The following BMP5 variants were observed in gnomAD, a reference collection of about 807,000 sequenced individuals.
The protein encoded by BMP5 is bone morphogenetic protein 5.
A neutral mutation model predicts 46.6 loss-of-function variants in BMP5; 23 were observed. The ratio of observed to expected loss-of-function variants is 0.49; its 90% CI spans 0.35 to 0.70. The LOEUF (loss-of-function observed/expected upper bound fraction) is 0.70, where lower values mean the gene tolerates loss of function less well. Among genes scored for constraint, BMP5 ranks in the 30% least tolerant of loss-of-function variants. BMP5 has a pLI of 0.00. For missense variants in BMP5, 545 were observed against 565.6 expected, an observed-to-expected ratio of 0.96 and a Z score of 0.37; for synonymous variants, 204 against 191.9, an observed-to-expected ratio of 1.06 and a Z score of -0.52.
chr6:55,824,295 G>A (rs547481004), intron 1 of BMP5, among the ~76,000 whole-genome samples: 1 of 151,934 alleles, frequency 6.6e-6, no homozygotes, highest in South Asian at 2.1e-4. Context: ...AAAAAACAGA[G>A]AAGTGTATAC....
At chr6:55,873,706 A>T (rs149351744) in intron 1 of BMP5, among the ~76,000 whole-genome samples, 2 of 151,966 alleles carry the variant, frequency 1.3e-5, no homozygotes, top group Admixed American at 6.6e-5. Flanking sequence ...ATAGATAAAG[A>T]CCACTAAAGC....
intron 1 of BMP5, among the ~76,000 whole-genome samples, chr6:55,829,904 C>A (rs1163349643): frequency 6.6e-6 from 1 of 151,784 alleles, no homozygotes; most frequent in Non-Finnish European, 1.5e-5. Flanking sequence ...ATAACCAAAT[C>A]TTTGGTAACA....
In BMP5 at chr6:55,874,978, C is replaced by T. The variant is rs1777876665; in HGVS notation, c.-113G>A. 2 of 1,282,660 alleles carry T rather than the reference C, an allele frequency of 1.6e-6. No individual in the cohort carries two copies. Among genetic ancestry groups the T allele is most frequent in the Non-Finnish European group, 2.2e-6 (2 of 920,130 alleles). 79.5% of individuals were successfully genotyped at this position (1,282,660 alleles called of 1,614,324 possible). ...CCCAGTAGCTGAAAAAACAAATTTACCTATTTTTCATGACAGTGACATTTC... is the reference window on the plus strand; with the variant it reads ...CCCAGTAGCTGAAAAAACAAATTTATCTATTTTTCATGACAGTGACATTTC... On this transcript the variant is annotated 5_prime_UTR_variant, in exon 1 of 7. Coordinates refer to ENST00000370830, the MANE Select transcript of BMP5 (RefSeq NM_021073.4).
intron 1 of BMP5, among the ~76,000 whole-genome samples, chr6:55,853,210 A>AATAAAATAAG (rs1412743172): frequency 1.0e-5 from 1 of 96,444 alleles, no homozygotes; most frequent in East Asian, 2.9e-4. Flanking sequence ...AATAAAATAA[A>AATAAAATAAG]ATAAAATAAG....
At chr6:55,850,270 C>T (rs1299920529) in intron 1 of BMP5, among the ~76,000 whole-genome samples, 1 of 151,762 alleles carries the variant, frequency 6.6e-6, no homozygotes, top group African/African-American at 2.4e-5. Context: ...TTAGACATGC[C>T]TGGCAAATGT....
At chr6:55,874,027 A>T (rs1338509917) in intron 1 of BMP5, among the ~76,000 whole-genome samples, 3 of 151,910 alleles carry the variant, frequency 2.0e-5, no homozygotes, top group African/African-American at 7.2e-5. Flanking sequence ...TTACTTTCCC[A>T]TCTGTAAGTG....
intron 3 of BMP5, among the ~76,000 whole-genome samples, chr6:55,782,239 G>A (rs544997248): frequency 2.6e-4 from 39 of 152,092 alleles, no homozygotes; most frequent in Admixed American, 4.6e-4. Flanking sequence ...ACATTGTACC[G>A]CAAAAATATG....
At chr6:55,794,795 A>C (rs1775665868) in intron 2 of BMP5, among the ~76,000 whole-genome samples, 1 of 152,224 alleles carries the variant, frequency 6.6e-6, no homozygotes, top group Non-Finnish European at 1.5e-5. Flanking sequence ...AAATGAAAGT[A>C]GTTGTTCCAG....
At chr6:55,849,750 C>T (rs1434185013) in intron 1 of BMP5, among the ~76,000 whole-genome samples, 1 of 151,952 alleles carries the variant, frequency 6.6e-6, no homozygotes, top group Non-Finnish European at 1.5e-5. Flanking sequence ...TTAGAACACC[C>T]TCACACCCTG....
intron 3 of BMP5, 123 bp downstream of exon 3, chr6:55,794,156 A>G: frequency 9.8e-7 from 1 of 1,021,788 alleles, no homozygotes; most frequent in East Asian, 2.6e-5. Context: ...GCACTACCCT[A>G]TAGAATGCGT....
At chr6:55,859,733 G>A (rs537688140) in intron 1 of BMP5, among the ~76,000 whole-genome samples, 63 of 152,038 alleles carry the variant, frequency 4.1e-4, no homozygotes, top group Non-Finnish European at 7.6e-4. Flanking sequence ...GTATCATAAC[G>A]TTCTGTTTGC....
In BMP5 at chr6:55,774,112, T is replaced by C. The variant is rs1427214833; in HGVS notation, c.964A>G (p.Lys322Glu). The change falls in exon 4 of 7, where the codon AAA becomes GAA. Residue 322 changes from lysine to glutamate, a missense_variant. Coordinates refer to ENST00000370830, the MANE Select transcript of BMP5 (RefSeq NM_021073.4). The part of the protein sequence containing the change: ...LRSVRAANKR[K>E]NQNRNKSSSH... ...CTGGATTTATTGCGGTTTTGATTTT[T>C]TCGTTTGTTGGCTGCTCTCACGGAT... The C allele has an allele frequency of 5.0e-6, 8 of 1,612,982 alleles. No individual in the cohort carries two copies. The highest frequency in any genetic ancestry group is 5.9e-6 in the Non-Finnish European group (7 of 1,179,436).
intron 2 of BMP5, among the ~76,000 whole-genome samples, chr6:55,816,422 C>A (rs1776270729): frequency 6.6e-6 from 1 of 152,028 alleles, no homozygotes; most frequent in African/African-American, 2.4e-5. Context: ...TTATTTTCAA[C>A]TCTTCTCACT....
chr6:55,832,900 C>T (rs1776699088), intron 1 of BMP5, among the ~76,000 whole-genome samples: 1 of 151,808 alleles, frequency 6.6e-6, no homozygotes, highest in Non-Finnish European at 1.5e-5. Context: ...CACTTGAGGG[C>T]AGGAGTTTGA....
intron 3 of BMP5, among the ~76,000 whole-genome samples, chr6:55,784,525 A>G (rs1775401456): frequency 6.6e-6 from 1 of 151,796 alleles, no homozygotes; most frequent in Admixed American, 6.6e-5. Flanking sequence ...CTAAATAAAA[A>G]GATTAAATTT....
At chr6:55,760,408 T>G (rs1263539819) in intron 5 of BMP5, 49 bp downstream of exon 5, 1 of 1,527,320 alleles carries the variant, frequency 6.5e-7, no homozygotes, top group Non-Finnish European at 9.1e-7. Context: ...TTATTAAGGA[T>G]TTATGATAAT....
Position 55,874,385 on chromosome 6 carries a change from C to A in BMP5, c.481G>T (p.Val161Phe). 6.2e-7 allele frequency: 1 copy of A among 1,612,986 alleles called. No homozygotes were observed. Among genetic ancestry groups the A allele is most frequent in the South Asian group, 1.1e-5 (1 of 91,042 alleles). ...LNDADMVMSF[V>F]NLVERDKDFS... Reference sequence around the variant, plus strand: ...CAAATGAACAACATACCTAAGTTGACAAAGCTCATGACCATGTCAGCATCA... The same window carrying A: ...CAAATGAACAACATACCTAAGTTGAAAAAGCTCATGACCATGTCAGCATCA... The change falls in exon 1 of 7, where the codon GTC becomes TTC. Residue 161 changes from valine to phenylalanine, a missense_variant. Val to Phe is a conservative substitution (Grantham distance 50, BLOSUM62 -1). Transcript: ENST00000370830.
At chr6:55,848,689 G>A (rs1419574742) in intron 1 of BMP5, among the ~76,000 whole-genome samples, 1 of 151,818 alleles carries the variant, frequency 6.6e-6, no homozygotes, top group African/African-American at 2.4e-5. Flanking sequence ...ATCATCTCCT[G>A]GTTTTCAACT....
chr6:55,815,133 CAA>C (rs35015007), intron 2 of BMP5, among the ~76,000 whole-genome samples: 1,422 of 77,896 alleles, frequency 0.018, 24 homozygotes, highest in African/African-American at 0.063. Flanking sequence ...AACTCCATCT[CAA>C]AAAAAAAAAA....
Sources: gnomAD v4.1 joint callset for allele counts (sites outside exome capture counted in the v4.1 genomes callset) on GRCh38, gnomAD v4.1.1 for gene constraint, MANE v1.5 for transcripts, NCBI Gene and HGNC (gene_info 2026-07-23, HGNC 2026-07-21) for gene names.